IFT122: variants seen among roughly 807,000 people sequenced by gnomAD.
IFT122 encodes intraflagellar transport protein 122 homolog.
Under a neutral mutation model 161.6 loss-of-function variants are expected in IFT122, and 118 were observed. The ratio of observed to expected loss-of-function variants is 0.73; its 90% CI spans 0.63 to 0.85. The LOEUF is 0.85. Among genes scored for constraint, IFT122 ranks in the 40% least tolerant of loss-of-function variants. IFT122 has a pLI of 0.00. For synonymous variants in IFT122, 550 were observed against 602.4 expected (o/e 0.91, Z 1.27); for missense variants, 1,381 against 1,579.6 (o/e 0.87, Z 2.13).
intron 15 of IFT122, among the ~76,000 whole-genome samples, chr3:129,484,447 A>T (rs2079047031): frequency 6.6e-6 from 1 of 152,240 alleles, no homozygotes; most frequent in Non-Finnish European, 1.5e-5. Context: ...TATATAATAT[A>T]TGCATAATAT....
At chr3:129,513,525 G>A (rs950544295) in intron 24 of IFT122, 1 of 152,872 alleles carries the variant, frequency 6.5e-6, no homozygotes, top group African/African-American at 2.4e-5. Context: ...GGAGCAGTCA[G>A]GGCTATGCCT....
chr3:129,476,261 A>G (rs889375490), intron 9 of IFT122, 54 bp from the exon 10 acceptor site: 1 of 1,597,960 alleles, frequency 6.3e-7, no homozygotes, highest in Middle Eastern at 1.7e-4. Flanking sequence ...TTGTATTGCA[A>G]TGGTTATGGA....
chr3:129,450,322 T>C (rs1417582565), intron 2 of IFT122, among the ~76,000 whole-genome samples: 1 of 152,246 alleles, frequency 6.6e-6, no homozygotes, highest in East Asian at 1.9e-4. Flanking sequence ...CCCCAACTTT[T>C]AGGCATTGGC....
intron 14 of IFT122, among the ~76,000 whole-genome samples, chr3:129,482,513 T>G (rs1211276772): frequency 6.6e-6 from 1 of 152,170 alleles, no homozygotes; most frequent in African/African-American, 2.4e-5. Flanking sequence ...CTCCTCCTTG[T>G]TCTCAGCAGC....
Position 129,514,749 on chromosome 3 carries a change from C to T in IFT122, c.3153+195C>T. 4.3e-6 allele frequency: 3 copies of T among 696,650 alleles called. No individual in the cohort carries two copies. The East Asian group carries it at 8.2e-5, about 19-fold the overall frequency. The allele number at this position is 696,650 out of a possible 1,614,324, so 43.2% of individuals were successfully genotyped here. On this transcript the variant is annotated intron_variant, in intron 25 of 29. Coordinates refer to ENST00000348417, the MANE Select transcript of IFT122 (RefSeq NM_052989.3). ...ACCTCCTGTTCTCCCCGCAGTCCAC[C>T]TGGCGCCCGCTCACAGCCCCCGGCC...
intron 10 of IFT122, 58 bp from the exon 11 acceptor site, chr3:129,476,605 T>TGG: frequency 6.2e-7 from 1 of 1,613,980 alleles, no homozygotes; most frequent in Non-Finnish European, 8.5e-7. Context: ...GTCTGACAAA[T>TGG]GGGGGAATGC....
At chr3:129,514,113 T>C (rs1044618035) in intron 24 of IFT122, 1 of 520,716 alleles carries the variant, frequency 1.9e-6, no homozygotes, top group Admixed American at 2.5e-5. Flanking sequence ...CTAGTCAGGG[T>C]ATAAGATGAG....
chr3:129,503,759 C>T (rs1453513662), intron 20 of IFT122, among the ~76,000 whole-genome samples: 1 of 152,118 alleles, frequency 6.6e-6, no homozygotes, highest in Non-Finnish European at 1.5e-5. Context: ...TTAGATTTCC[C>T]AAGCAGCATA....
intron 25 of IFT122, chr3:129,514,954 A>G (rs1055960334): frequency 8.0e-6 from 3 of 373,296 alleles, no homozygotes; most frequent in South Asian, 2.4e-5. Context: ...TCTACCCCAC[A>G]CTCCCAACCC....
At position 129,497,884 on chromosome 3, in the gene IFT122, T is replaced by G. The variant is rs542481033; in HGVS notation, c.2209-2018T>G. Among the ~76,000 whole-genome samples the G allele has an allele frequency of 3.9e-5, 6 of 152,340 alleles. No homozygotes were observed. In the South Asian group the frequency reaches 8.3e-4, roughly 21 times the overall value. The stretch of plus-strand genomic sequence containing the variant: ...GATTCAATCTGGTTTTCAGAAAATT[T>G]TAAAATTACATTCCCACGTACAAAT... On this transcript the variant is annotated intron_variant, in intron 18 of 29. Coordinates refer to ENST00000348417, the MANE Select transcript of IFT122 (RefSeq NM_052989.3).
At chr3:129,510,695 C>T (rs2082725308) in intron 23 of IFT122, among the ~76,000 whole-genome samples, 1 of 152,224 alleles carries the variant, frequency 6.6e-6, no homozygotes, top group South Asian at 2.1e-4. Flanking sequence ...CAGCTGAGCT[C>T]TGCTCCAGGA....
intron 18 of IFT122, among the ~76,000 whole-genome samples, chr3:129,496,930 A>T (rs951451887): frequency 6.6e-6 from 1 of 152,192 alleles, no homozygotes; most frequent in African/African-American, 2.4e-5. Context: ...TAGAGGTAGA[A>T]TTTAGGGTTG....
At position 129,469,144 on chromosome 3, in the gene IFT122, G is replaced by A. The variant is rs566879352; in HGVS notation, c.741-198G>A. On this transcript the variant is annotated intron_variant, in intron 8 of 29. Coordinates refer to ENST00000348417, the MANE Select transcript of IFT122 (RefSeq NM_052989.3). ...CAGTGAAACAGCAGATCCCAGGAAG[G>A]CTGAACCTCAACTCTGCTTCATCCC... is the stretch of plus-strand genomic sequence containing the variant. Among the ~76,000 whole-genome samples the A allele has an allele frequency of 2.0e-4, 30 of 152,338 alleles. No homozygotes were observed. In the South Asian group the frequency reaches 4.6e-3, roughly 23 times the overall value.
intron 9 of IFT122, among the ~76,000 whole-genome samples, chr3:129,474,472 T>C (rs994854319): frequency 2.0e-5 from 3 of 152,202 alleles, no homozygotes; most frequent in African/African-American, 7.2e-5. Flanking sequence ...TGATTAACCC[T>C]GTGTCTACAG....
chr3:129,473,188 C>T (rs1023035732), intron 9 of IFT122, among the ~76,000 whole-genome samples: 3 of 152,192 alleles, frequency 2.0e-5, no homozygotes, highest in Non-Finnish European at 4.4e-5. Context: ...ATTGTCCTAA[C>T]AACTCTGTAG....
chr3:129,512,247 T>C, intron 23 of IFT122, 65 bp from the exon 24 acceptor site: 2 of 1,123,546 alleles, frequency 1.8e-6, no homozygotes, highest in Non-Finnish European at 1.4e-6. Flanking sequence ...GGTGTCTGCC[T>C]TTTGGCCTGG....
chr3:129,456,605 C>G (rs2075522593), intron 3 of IFT122, among the ~76,000 whole-genome samples: 1 of 151,420 alleles, frequency 6.6e-6, no homozygotes, highest in Non-Finnish European at 1.5e-5. Flanking sequence ...CCACTGCTCT[C>G]TGGCCTGGGT....
chr3:129,520,442 A>G lies in IFT122; in HGVS notation c.*177A>G. 1 of 672,586 alleles carries G rather than the reference A, an allele frequency of 1.5e-6. No homozygotes were observed. Among genetic ancestry groups the G allele is most frequent in the Non-Finnish European group, 2.7e-6 (1 of 367,730 alleles). The allele number at this position is 672,586 out of a possible 1,614,324, so 41.7% of individuals were successfully genotyped here. Reference sequence around the variant, plus strand: ...ATTTATGGCATTTCATGCCTTGTAAATAGCACCAGGAGATGAGGAAGAGAA... The same window carrying G: ...ATTTATGGCATTTCATGCCTTGTAAGTAGCACCAGGAGATGAGGAAGAGAA... On this transcript the variant is annotated 3_prime_UTR_variant, in exon 30 of 30. Transcript: ENST00000348417.
intron 12 of IFT122, 140 bp from the exon 13 acceptor site, chr3:129,479,645 G>A (rs1039896036): frequency 1.3e-5 from 13 of 1,028,208 alleles, no homozygotes; most frequent in African/African-American, 1.1e-4. Context: ...GATGCCAATC[G>A]TGGGGTCTAC....
Sources: gnomAD v4.1 joint callset for allele counts (sites outside exome capture counted in the v4.1 genomes callset) on GRCh38, gnomAD v4.1.1 for gene constraint, MANE v1.5 for transcripts, NCBI Gene and HGNC (gene_info 2026-07-23, HGNC 2026-07-21) for gene names.